SOX5: variants seen among roughly 807,000 people sequenced by gnomAD.
SOX5 encodes the protein SRY-box transcription factor 5.
In SOX5, 9 loss-of-function variants were observed where a neutral mutation model predicts 92.0. That is an observed-to-expected ratio of 0.10 (90% CI 0.06 to 0.17). The LOEUF (loss-of-function observed/expected upper bound fraction) is 0.17, where lower values mean the gene tolerates loss of function less well. Among genes scored for constraint, SOX5 ranks in the 10% least tolerant of loss-of-function variants. The pLI, the probability that SOX5 is intolerant of heterozygous loss-of-function variation, is 1.00. For synonymous variants in SOX5, 344 were observed against 336.3 expected, an observed-to-expected ratio of 1.02 and a Z score of -0.25; for missense variants, 642 against 944.5, an observed-to-expected ratio of 0.68 and a Z score of 4.20.
At chr12:23,999,667 T>A (rs1381228988) in intron 4 of SOX5, among the ~76,000 whole-genome samples, 1 of 151,966 alleles carries the variant, frequency 6.6e-6, no homozygotes, top group Non-Finnish European at 1.5e-5. Flanking sequence ...CTTTAAAAAA[T>A]TGTCTTTAAA....
At chr12:23,616,586 A>C (rs2076585267) in intron 8 of SOX5, among the ~76,000 whole-genome samples, 1 of 152,210 alleles carries the variant, frequency 6.6e-6, no homozygotes, top group Non-Finnish European at 1.5e-5. Context: ...ATTTGTACAC[A>C]AATTCTAATG....
At chr12:23,813,098 GTTATT>G (rs1206047126) in intron 3 of SOX5, among the ~76,000 whole-genome samples, 1 of 151,894 alleles carries the variant, frequency 6.6e-6, no homozygotes, top group Non-Finnish European at 1.5e-5. Context: ...TTGCCTTATG[GTTATT>G]TTAAAGTTTT....
chr12:24,313,770 C>A (rs7978406), intron 2 of SOX5, among the ~76,000 whole-genome samples: 1 of 152,094 alleles, frequency 6.6e-6, no homozygotes, highest in Admixed American at 6.5e-5. Context: ...CTTCCTTACT[C>A]ATGAACCCCA....
intron 4 of SOX5, among the ~76,000 whole-genome samples, chr12:24,071,067 G>A (rs955610538): frequency 3.9e-5 from 6 of 152,224 alleles, no homozygotes; most frequent in South Asian, 2.1e-4. Flanking sequence ...GAAGACTGGC[G>A]TTTCTGTCCC....
chr12:23,728,479 T>C (rs896081793), intron 6 of SOX5, among the ~76,000 whole-genome samples: 5 of 152,162 alleles, frequency 3.3e-5, no homozygotes, highest in African/African-American at 9.7e-5. Context: ...AAAGAAATCA[T>C]ACATCAGCAG....
At chr12:24,506,826 T>G (rs1201089587) in intron 1 of SOX5, among the ~76,000 whole-genome samples, 6 of 126,388 alleles carry the variant, frequency 4.7e-5, no homozygotes, top group Admixed American at 2.0e-4. Flanking sequence ...AGTCTCGCTC[T>G]GTCGCCCAGG....
intron 4 of SOX5, among the ~76,000 whole-genome samples, chr12:24,115,821 AG>A (rs1193119159): frequency 1.3e-5 from 2 of 152,212 alleles, no homozygotes; most frequent in African/African-American, 4.8e-5. Context: ...TTGTGTTTTC[AG>A]AACATCATTA....
At chr12:23,783,041 C>G (rs2095313104) in intron 3 of SOX5, among the ~76,000 whole-genome samples, 1 of 152,144 alleles carries the variant, frequency 6.6e-6, no homozygotes, top group Non-Finnish European at 1.5e-5. Flanking sequence ...GACACTTTTT[C>G]TGACCATTGT....
chr12:23,663,884 AC>A (rs1179524430), intron 7 of SOX5, among the ~76,000 whole-genome samples: 1 of 152,140 alleles, frequency 6.6e-6, no homozygotes, highest in African/African-American at 2.4e-5. Flanking sequence ...TTGATAACCT[AC>A]AAAGGTAGGA....
Position 24,049,456 on chromosome 12 carries a change from CAATT to C in SOX5, c.-1-153436_-1-153433del, listed in dbSNP as rs1480340203. Among the ~76,000 whole-genome samples the C allele has an allele frequency of 3.9e-5, 6 of 152,128 alleles. 1 individual carries two copies. Among genetic ancestry groups the C allele is most frequent in the Admixed American group, 3.9e-4 (6 of 15,268 alleles). On this transcript the variant is annotated intron_variant, in intron 4 of 4. Transcript: ENST00000446891. ...ACAGTGAGAAAGCATTATTTTAAAA[CAATT>C]AAGAGAATTCCCTGCACATTCAGTT...
chr12:24,012,467 G>T (rs1033009548), intron 4 of SOX5, among the ~76,000 whole-genome samples: 4 of 152,074 alleles, frequency 2.6e-5, no homozygotes, highest in Non-Finnish European at 5.9e-5. Context: ...TGATGGATTT[G>T]AATTTTTTTT....
At chr12:24,077,233 T>C (rs1942736252) in intron 4 of SOX5, among the ~76,000 whole-genome samples, 1 of 152,140 alleles carries the variant, frequency 6.6e-6, no homozygotes, top group Non-Finnish European at 1.5e-5. Flanking sequence ...TTACAGTCTA[T>C]GTGTAACCAA....
At chr12:23,686,604 G>A (rs771705481) in intron 6 of SOX5, among the ~76,000 whole-genome samples, 44 of 152,038 alleles carry the variant, frequency 2.9e-4, no homozygotes, top group East Asian at 1.9e-4. Flanking sequence ...TGCTTTCACA[G>A]AAATACAAAT....
intron 4 of SOX5, among the ~76,000 whole-genome samples, chr12:24,182,698 G>GA (rs1206857936): frequency 5.9e-5 from 9 of 151,830 alleles, no homozygotes; most frequent in Non-Finnish European, 1.2e-4. Context: ...AAATTATTAG[G>GA]AAAAAATCCA....
intron 1 of SOX5, among the ~76,000 whole-genome samples, chr12:24,552,704 G>GAA (rs1314880248): frequency 3.3e-5 from 5 of 152,214 alleles, no homozygotes; most frequent in African/African-American, 9.7e-5. Context: ...GCAACATTTA[G>GAA]AAATCGCTTT....
At chr12:24,026,926 G>T (rs1954954324) in intron 4 of SOX5, among the ~76,000 whole-genome samples, 1 of 151,926 alleles carries the variant, frequency 6.6e-6, no homozygotes, top group Non-Finnish European at 1.5e-5. Context: ...TAATTTTAAA[G>T]CCAGGAGGAC....
chr12:24,102,686 C>A (rs1426176800), intron 4 of SOX5, among the ~76,000 whole-genome samples: 7 of 152,178 alleles, frequency 4.6e-5, no homozygotes, highest in African/African-American at 1.4e-4. Context: ...AGCACAGTTG[C>A]ATTAAAGTCT....
chr12:24,461,087 T>C (rs1943571545), intron 1 of SOX5, among the ~76,000 whole-genome samples: 2 of 152,234 alleles, frequency 1.3e-5, no homozygotes, highest in African/African-American at 4.8e-5. Context: ...GCCTGAGATT[T>C]GGTTGCCCTC....
chr12:23,910,535 C>T (rs77086528), intron 1 of SOX5, among the ~76,000 whole-genome samples: 1,737 of 152,216 alleles, frequency 0.011, 49 homozygotes, highest in African/African-American at 0.039. Context: ...AAGATAGCTA[C>T]CATAACTGTA....
Sources: allele counts gnomAD v4.1 joint callset (sites outside exome capture counted in the v4.1 genomes callset), GRCh38; gene constraint gnomAD v4.1.1; transcripts MANE v1.5; gene names NCBI Gene and HGNC (gene_info 2026-07-23, HGNC 2026-07-21).